ARGFX: variants seen among roughly 807,000 people sequenced by gnomAD.
ARGFX encodes arginine-fifty homeobox.
ARGFX carries 10 observed loss-of-function variants against 8.0 expected under a neutral mutation model. That is an observed-to-expected ratio of 1.25 (90% confidence interval 0.77 to 2.12). The LOEUF (loss-of-function observed/expected upper bound fraction) is 2.12, where lower values mean the gene tolerates loss of function less well. ARGFX is among the 30% of genes most tolerant of loss of function. The pLI is 0.00. For missense variants in ARGFX, 282 were observed against 324.3 expected (o/e 0.87, Z 1.00); for synonymous variants, 116 against 117.8 (o/e 0.98, Z 0.10).
At chr3:121,576,393 CAGT>C (rs1212208436) in intron 2 of ARGFX, among the ~76,000 whole-genome samples, 1 of 152,124 alleles carries the variant, frequency 6.6e-6, no homozygotes, top group East Asian at 1.9e-4. Context: ...GGCTGGAGTG[CAGT>C]AGTGTGATCT....
At chr3:121,578,230 T>C (rs1440681739) in intron 3 of ARGFX, among the ~76,000 whole-genome samples, 3 of 150,366 alleles carry the variant, frequency 2.0e-5, no homozygotes, top group Non-Finnish European at 3.0e-5. Flanking sequence ...CAGGTTCAAG[T>C]GATTCTCCTG....
chr3:121,573,976 C>A (rs1297640894), intron 2 of ARGFX, among the ~76,000 whole-genome samples: 1 of 151,230 alleles, frequency 6.6e-6, no homozygotes, highest in African/African-American at 2.4e-5. Flanking sequence ...AAAATCAAAA[C>A]CATACCCGTT....
In ARGFX at chr3:121,585,073, C is replaced by G; in HGVS notation, c.369+8C>G. 1 of 1,613,458 alleles carries G rather than the reference C, an allele frequency of 6.2e-7. No homozygotes were observed. The highest frequency in any genetic ancestry group is 1.1e-5 in the South Asian group (1 of 90,960). Reference sequence around the variant, plus strand: ...CCGGAGTCAACAGTAAAGGTCTGATCCCCTGTGGTGTGCTTGGTACCCCCA... The same window carrying G: ...CCGGAGTCAACAGTAAAGGTCTGATGCCCTGTGGTGTGCTTGGTACCCCCA... On this transcript the variant is annotated splice_region_variant and intron_variant, in intron 4 of 4. Transcript: ENST00000334384.
intron 1 of ARGFX, among the ~76,000 whole-genome samples, chr3:121,569,114 T>C (rs2048691617): frequency 6.6e-6 from 1 of 152,196 alleles, no homozygotes; most frequent in South Asian, 2.1e-4. Context: ...GTGAGACCAA[T>C]GGCATTGTTT....
chr3:121,576,695 C>CTTTCTTTT (rs1455803024), intron 2 of ARGFX, 89 bp from the exon 3 acceptor site: 1 of 253,952 alleles, frequency 3.9e-6, no homozygotes. Flanking sequence ...TTCTTTCTTT[C>CTTTCTTTT]TCTTTCTTTC....
Position 121,576,903 on chromosome 3 carries a change from G to A in ARGFX, c.220+3G>A, listed in dbSNP as rs960573955. 5 of 343,478 alleles carry A rather than the reference G, an allele frequency of 1.5e-5. No individual in the cohort carries two copies. Among genetic ancestry groups the A allele is most frequent in the Admixed American group, 1.3e-4 (3 of 23,976 alleles). The allele number at this position is 343,478 out of a possible 1,614,324, so 21.3% of individuals were successfully genotyped here. The stretch of plus-strand genomic sequence containing the variant: ...CTCCCGAGTAGCTGCGACTACAGGT[G>A]CGTGCCACTACACCCTCTTTTGTAG... On this transcript the variant is annotated splice_donor_region_variant and intron_variant, in intron 3 of 4. Transcript: ENST00000334384.
chr3:121,581,553 T>C (rs2048780131), intron 3 of ARGFX, among the ~76,000 whole-genome samples: 1 of 152,220 alleles, frequency 6.6e-6, no homozygotes, highest in Non-Finnish European at 1.5e-5. Flanking sequence ...GTTCCAAGCA[T>C]ACTAGTTTCC....
chr3:121,583,425 GTTTTA>G (rs1210601592), intron 3 of ARGFX, among the ~76,000 whole-genome samples: 39 of 151,374 alleles, frequency 2.6e-4, no homozygotes, highest in African/African-American at 7.5e-4. Context: ...TTTTTATTTT[GTTTTA>G]TTTTATTTTA....
intron 3 of ARGFX, among the ~76,000 whole-genome samples, chr3:121,583,829 C>T (rs758789268): frequency 5.3e-5 from 8 of 152,076 alleles, no homozygotes; most frequent in African/African-American, 1.7e-4. Flanking sequence ...GTGCTGACCA[C>T]GTTTGATTTC....
At chr3:121,571,135 C>A (rs2048705675) in intron 2 of ARGFX, among the ~76,000 whole-genome samples, 1 of 151,942 alleles carries the variant, frequency 6.6e-6, no homozygotes, top group Admixed American at 6.6e-5. Context: ...TATTGTGGCC[C>A]AATATGGAAG....
At chr3:121,574,286 G>A (rs1051647924) in intron 2 of ARGFX, among the ~76,000 whole-genome samples, 5 of 152,124 alleles carry the variant, frequency 3.3e-5, no homozygotes, top group East Asian at 1.9e-4. Flanking sequence ...GTTTTTCCAC[G>A]GACTGGTTGG....
chr3:121,577,205 A>G (rs1236553275), intron 3 of ARGFX, among the ~76,000 whole-genome samples: 1 of 141,590 alleles, frequency 7.1e-6, no homozygotes, highest in Non-Finnish European at 1.5e-5. Flanking sequence ...GTGTATGTAT[A>G]TATATATATA....
At chr3:121,577,260 T>TA (rs1491494549) in intron 3 of ARGFX, among the ~76,000 whole-genome samples, 2,421 of 28,838 alleles carry the variant, frequency 0.084, 32 homozygotes, top group South Asian at 0.14. Flanking sequence ...TATATATATA[T>TA]TTTTTTTTTT....
In ARGFX at chr3:121,586,638, GTCT is replaced by G. The variant is rs1408508188; in HGVS notation, c.*43_*45del. The G allele has an allele frequency of 6.6e-7, 1 of 1,518,466 alleles. No individual in the cohort carries two copies. The highest frequency in any genetic ancestry group is 1.4e-5 in the African/African-American group (1 of 71,992). 94.1% of individuals were successfully genotyped at this position (1,518,466 alleles called of 1,614,324 possible). On this transcript the variant is annotated 3_prime_UTR_variant, in exon 5 of 5. Coordinates refer to ENST00000334384, the MANE Select transcript of ARGFX (RefSeq NM_001012659.2). ...TAAATATAGATCATTTAGAAAAGTG[GTCT>G]TCTTGCCTCTTGTACATGACTGTTT...
At chr3:121,570,951 A>G in intron 2 of ARGFX, 135 bp downstream of exon 2, 1 of 579,466 alleles carries the variant, frequency 1.7e-6, no homozygotes, top group Admixed American at 4.1e-5. Context: ...TCTTCCCATC[A>G]TAAAAGGAGA....
Position 121,590,280 on chromosome 3 carries a change from G to A in ARGFX, c.*3680G>A, listed in dbSNP as rs2048836798. Among the ~76,000 whole-genome samples the A allele has an allele frequency of 1.3e-5, 2 of 152,180 alleles. No individual in the cohort carries two copies. Among genetic ancestry groups the A allele is most frequent in the African/African-American group, 4.8e-5 (2 of 41,444 alleles). Reference sequence around the variant, plus strand: ...ATGTGTCCCCCACAGCTCATGCGTTGGAAACTTAATCCCCAAAGCAACAGC... The same window carrying A: ...ATGTGTCCCCCACAGCTCATGCGTTAGAAACTTAATCCCCAAAGCAACAGC... On this transcript the variant is annotated 3_prime_UTR_variant, in exon 5 of 5. Coordinates refer to ENST00000334384, the MANE Select transcript of ARGFX (RefSeq NM_001012659.2).
At position 121,586,454 on chromosome 3, in the gene ARGFX, C is replaced by T; in HGVS notation, c.802C>T (p.Leu268Phe). The T allele has an allele frequency of 1.4e-5, 22 of 1,614,202 alleles. No individual in the cohort carries two copies. Among genetic ancestry groups the T allele is most frequent in the Non-Finnish European group, 1.7e-5 (20 of 1,180,046 alleles). ...CCAGGTAGGAGGACAGGGTTCCTCT[C>T]TCAGCATCTTTGCTGGTCCAGCTGT... is the stretch of plus-strand genomic sequence containing the variant. ...KYQVGGQGSS[L>F]SIFAGPAVGL... The change falls in exon 5 of 5, where the codon CTC becomes TTC. Residue 268 changes from leucine to phenylalanine, a missense_variant. Coordinates refer to ENST00000334384, the MANE Select transcript of ARGFX (RefSeq NM_001012659.2).
chr3:121,578,695 G>C (rs2048759121), intron 3 of ARGFX, among the ~76,000 whole-genome samples: 1 of 145,840 alleles, frequency 6.9e-6, no homozygotes, highest in Admixed American at 6.9e-5. Flanking sequence ...TTTTTAAACA[G>C]AGTCTCGCTC....
rs969563314 is a variant in ARGFX, at chr3:121,587,972, T to C, written c.*1372T>C. 1.8e-4 allele frequency among the ~76,000 whole-genome samples: 27 copies of C among 151,924 alleles called. No homozygotes were observed. In the South Asian group the frequency reaches 2.5e-3, roughly 14 times the overall value. Reference sequence around the variant, plus strand: ...TAGTACAATGAAAAAATAATATATATATATATAGTACAATGGTCCAGACAT... The same window carrying C: ...TAGTACAATGAAAAAATAATATATACATATATAGTACAATGGTCCAGACAT... On this transcript the variant is annotated 3_prime_UTR_variant, in exon 5 of 5. Transcript: ENST00000334384.
Sources: gnomAD v4.1 joint callset for allele counts (sites outside exome capture counted in the v4.1 genomes callset) on GRCh38, gnomAD v4.1.1 for gene constraint, MANE v1.5 for transcripts, NCBI Gene and HGNC (gene_info 2026-07-23, HGNC 2026-07-21) for gene names.